Variants in AGBL4 observed in about 807,000 individuals in gnomAD.
AGBL4 encodes cytosolic carboxypeptidase 6.
In AGBL4, 58 loss-of-function variants were observed where a neutral mutation model predicts 66.4. The observed-to-expected ratio is 0.87, with a 90% CI of 0.71 to 1.09. The LOEUF (loss-of-function observed/expected upper bound fraction) is 1.09. Ranked by LOEUF, AGBL4 falls within the 50% of genes least tolerant of loss-of-function variation. The pLI is 0.00. For synonymous variants in AGBL4, 234 were observed against 222.9 expected (o/e 1.05, Z -0.44); for missense variants, 579 against 631.0 (o/e 0.92, Z 0.88).
intron 3 of AGBL4, among the ~76,000 whole-genome samples, chr1:49,534,797 T>C (rs1193179435): frequency 6.6e-6 from 1 of 152,222 alleles, no homozygotes; most frequent in Non-Finnish European, 1.5e-5. Flanking sequence ...AGGTCACATT[T>C]CAGTATTTTA....
At chr1:48,797,853 C>G (rs1558002189) in intron 6 of AGBL4, among the ~76,000 whole-genome samples, 1 of 152,110 alleles carries the variant, frequency 6.6e-6, no homozygotes, top group East Asian at 1.9e-4. Context: ...GGCCCATATA[C>G]CACATTTTCT....
intron 2 of AGBL4, among the ~76,000 whole-genome samples, chr1:49,701,479 C>A (rs1394098269): frequency 6.6e-6 from 1 of 151,916 alleles, no homozygotes; most frequent in East Asian, 1.9e-4. Flanking sequence ...ATAGTTATCT[C>A]CAAACTCATC....
intron 3 of AGBL4, among the ~76,000 whole-genome samples, chr1:49,381,308 A>G (rs1007112931): frequency 2.0e-4 from 31 of 152,228 alleles, no homozygotes; most frequent in African/African-American, 7.0e-4. Context: ...ATCATCTCAC[A>G]CCAGTTAGAA....
At chr1:49,877,210 TGA>T (rs1647040432) in intron 1 of AGBL4, among the ~76,000 whole-genome samples, 1 of 151,122 alleles carries the variant, frequency 6.6e-6, no homozygotes, top group Non-Finnish European at 1.5e-5. Flanking sequence ...ATAGGAGTGG[TGA>T]GAGAGGGCAT....
chr1:48,704,796 T>A (rs1646856094), intron 6 of AGBL4, among the ~76,000 whole-genome samples: 1 of 152,212 alleles, frequency 6.6e-6, no homozygotes, highest in Non-Finnish European at 1.5e-5. Context: ...ATAGTTAACT[T>A]CTTTGTATAA....
chr1:49,906,670 A>C (rs1233749488), intron 1 of AGBL4, among the ~76,000 whole-genome samples: 1 of 152,036 alleles, frequency 6.6e-6, no homozygotes, highest in Non-Finnish European at 1.5e-5. Flanking sequence ...TACCTAGTCC[A>C]TTTCCAACAA....
At chr1:49,981,532 T>C (rs1659055854) in intron 1 of AGBL4, among the ~76,000 whole-genome samples, 1 of 151,734 alleles carries the variant, frequency 6.6e-6, no homozygotes, top group Non-Finnish European at 1.5e-5. Flanking sequence ...ATATTTAATA[T>C]ATACACACTA....
At chr1:48,862,272 T>G (rs1423708940) in intron 6 of AGBL4, among the ~76,000 whole-genome samples, 1 of 152,194 alleles carries the variant, frequency 6.6e-6, no homozygotes, top group Non-Finnish European at 1.5e-5. Flanking sequence ...CTGCGTGCCA[T>G]TCTCCTTTAA....
At chr1:49,370,594 C>A (rs1644321530) in intron 3 of AGBL4, among the ~76,000 whole-genome samples, 1 of 152,124 alleles carries the variant, frequency 6.6e-6, no homozygotes, top group Non-Finnish European at 1.5e-5. Context: ...AGTGTTTGAC[C>A]AAACAATTTG....
At chr1:49,116,285 A>G (rs1224955442) in intron 4 of AGBL4, among the ~76,000 whole-genome samples, 1 of 152,206 alleles carries the variant, frequency 6.6e-6, no homozygotes, top group Non-Finnish European at 1.5e-5. Flanking sequence ...TTTGTTACAT[A>G]GGTATACGTG....
intron 11 of AGBL4, among the ~76,000 whole-genome samples, chr1:48,567,021 T>G (rs1158941185): frequency 1.3e-5 from 2 of 152,170 alleles, no homozygotes; most frequent in African/African-American, 4.8e-5. Context: ...TATATATACA[T>G]GCACACACAC....
intron 3 of AGBL4, among the ~76,000 whole-genome samples, chr1:49,434,279 T>C (rs573338113): frequency 6.6e-6 from 1 of 151,872 alleles, no homozygotes; most frequent in Non-Finnish European, 1.5e-5. Context: ...GATTGCTGGA[T>C]TGGTGGAGCA....
intron 4 of AGBL4, among the ~76,000 whole-genome samples, chr1:49,126,521 T>C (rs1645767447): frequency 6.6e-6 from 1 of 152,274 alleles, no homozygotes; most frequent in Admixed American, 6.5e-5. Context: ...CATATAAACT[T>C]AATCCTCATA....
chr1:48,970,256 G>T (rs1658795667), intron 5 of AGBL4, among the ~76,000 whole-genome samples: 1 of 152,110 alleles, frequency 6.6e-6, no homozygotes, highest in African/African-American at 2.4e-5. Context: ...CAGCCCTGCC[G>T]AGTTGATTCA....
At chr1:48,904,076 C>T (rs1176515786) in intron 5 of AGBL4, among the ~76,000 whole-genome samples, 8 of 152,018 alleles carry the variant, frequency 5.3e-5, no homozygotes, top group African/African-American at 1.7e-4. Flanking sequence ...GTTAGGAGTT[C>T]GAGACCAGCC....
chr1:49,739,164 T>A (rs1352556541), intron 2 of AGBL4, among the ~76,000 whole-genome samples: 10 of 152,088 alleles, frequency 6.6e-5, no homozygotes, highest in African/African-American at 1.2e-4. Flanking sequence ...TGAAAAACGA[T>A]GAGAAGAATG....
At chr1:49,073,035 T>A (rs964471787) in intron 4 of AGBL4, among the ~76,000 whole-genome samples, 5 of 152,222 alleles carry the variant, frequency 3.3e-5, no homozygotes, top group Admixed American at 3.3e-4. Flanking sequence ...CTTGATCAAT[T>A]CAGCTACCGA....
At chr1:48,982,067 C>T (rs1557525231) in intron 5 of AGBL4, among the ~76,000 whole-genome samples, 1 of 152,060 alleles carries the variant, frequency 6.6e-6, no homozygotes, top group African/African-American at 2.4e-5. Context: ...GAAGAGGTGA[C>T]ATATTGAAAA....
At chr1:49,669,694 T>C (rs1646438890) in intron 3 of AGBL4, among the ~76,000 whole-genome samples, 1 of 152,182 alleles carries the variant, frequency 6.6e-6, no homozygotes, top group South Asian at 2.1e-4. Flanking sequence ...ATCTACCATG[T>C]ACCAGATACT....
Sources: allele counts gnomAD v4.1 joint callset (sites outside exome capture counted in the v4.1 genomes callset), GRCh38; gene constraint gnomAD v4.1.1; transcripts MANE v1.5; gene names NCBI Gene and HGNC (gene_info 2026-07-23, HGNC 2026-07-21).